Variants in TRIM25 observed in about 807,000 individuals in gnomAD.
TRIM25 encodes the protein tripartite motif containing 25, also known as E3 ubiquitin/ISG15 ligase TRIM25.
Under a neutral mutation model 65.2 loss-of-function variants are expected in TRIM25, and 45 were observed. That is an observed-to-expected ratio of 0.69 (90% CI 0.54 to 0.89). TRIM25 has a LOEUF of 0.89. TRIM25 is among the 40% of genes least tolerant of loss of function. TRIM25 has a pLI of 0.00. For missense variants in TRIM25, 714 were observed against 803.7 expected, an observed-to-expected ratio of 0.89 and a Z score of 1.35; for synonymous variants, 321 against 340.4, an observed-to-expected ratio of 0.94 and a Z score of 0.63.
At position 56,892,137 on chromosome 17, in the gene TRIM25, G is replaced by C; in HGVS notation, c.1456C>G (p.Gln486Glu). 1 of 1,614,166 alleles carries C rather than the reference G, an allele frequency of 6.2e-7. No homozygotes were observed. The highest frequency in any genetic ancestry group is 8.5e-7 in the Non-Finnish European group (1 of 1,180,038). ...CTCTGGGGATGCGGCCGGTAGTTCT[G>C]AGGCATCTCAGCCACAGAAGCTACT... ...YTVASVAEMP[Q>E]NYRPHPQRFT... The change falls in exon 9 of 9, where the codon CAG becomes GAG. Residue 486 changes from glutamine (Q) to glutamate (E), a missense_variant. By Grantham distance (29) the Gln-to-Glu change is conservative. Around this residue, in one of 3 missense-constraint regions of TRIM25, gnomAD observed 413 missense variants for 498.2 expected, o/e 0.83. Transcript: ENST00000316881.
Position 56,904,243 on chromosome 17 carries a change from G to T in TRIM25, c.927+12C>A. On this transcript the variant is annotated intron_variant, in intron 3 of 8. Transcript: ENST00000316881. The stretch of plus-strand genomic sequence containing the variant: ...AAAAAAAAACATTCAACAATGCCTT[G>T]TGGCGACCTACCTCCAGAAACTCGA... 6 of 1,490,574 alleles carry T rather than the reference G, an allele frequency of 4.0e-6. No homozygotes were observed. Among genetic ancestry groups the T allele is most frequent in the South Asian group, 1.1e-5 (1 of 87,012 alleles). 92.3% of individuals were successfully genotyped at this position (1,490,574 alleles called of 1,614,324 possible).
intron 5 of TRIM25, among the ~76,000 whole-genome samples, chr17:56,897,202 A>G (rs1254460560): frequency 6.6e-6 from 1 of 152,224 alleles, no homozygotes; most frequent in African/African-American, 2.4e-5. Flanking sequence ...TCTGTGATGT[A>G]CAAGCCCTCC....
At position 56,895,552 on chromosome 17, in the gene TRIM25, C is replaced by T. The variant is rs1440694195; in HGVS notation, c.1233G>A (p.Gln411=). The T allele has an allele frequency of 6.3e-7, 1 of 1,596,474 alleles. No homozygotes were observed. Among genetic ancestry groups the T allele is most frequent in the Non-Finnish European group, 8.6e-7 (1 of 1,169,478 alleles). ...SKLPTFGAPE[Q]LVDLKQAGLE... ...AGCCAGCTTGTTTTAAATCCACTAA[C>T]TGTTCCGGGGCTCCAAACGTGGGAA... is the stretch of plus-strand genomic sequence containing the variant. The change falls in exon 7 of 9, where the codon CAG becomes CAA. Residue 411 remains glutamine, a synonymous_variant. Coordinates refer to ENST00000316881, the MANE Select transcript of TRIM25 (RefSeq NM_005082.5).
At chr17:56,904,166 C>T in intron 3 of TRIM25, 89 bp downstream of exon 3, 3 of 1,130,192 alleles carry the variant, frequency 2.7e-6, no homozygotes, top group Non-Finnish European at 3.9e-6. Context: ...CTCTTCCAGT[C>T]TCCCGCTCCT....
At position 56,888,901 on chromosome 17, in the gene TRIM25, C is replaced by T. The variant is rs544261900; in HGVS notation, c.*2799G>A. 3 of 152,176 alleles carry T rather than the reference C, an allele frequency of 2.0e-5. No individual in the cohort carries two copies. Among genetic ancestry groups the T allele is most frequent in the African/African-American group, 7.2e-5 (3 of 41,432 alleles). 9.4% of individuals were successfully genotyped at this position (152,176 alleles called of 1,614,324 possible). On this transcript the variant is annotated 3_prime_UTR_variant, in exon 9 of 9. Transcript: ENST00000316881. ...TGACGAACAAATAGCATTTTGTACC[C>T]GCACTACAATGCAGGAGAACGCCAA...
In TRIM25 at chr17:56,890,815, T is replaced by A. The variant is rs1239590891; in HGVS notation, c.*885A>T. 2.2e-6 allele frequency: 1 copy of A among 456,148 alleles called. No individual in the cohort carries two copies. Among genetic ancestry groups the A allele is most frequent in the Non-Finnish European group, 4.4e-6 (1 of 226,900 alleles). The allele number at this position is 456,148 out of a possible 1,614,324, so 28.3% of individuals were successfully genotyped here. ...AGGCTTCTGTTGATCCAGGGCAGCA[T>A]CCCCCTCGCCTGGCAGAGTTCCTTG... On this transcript the variant is annotated 3_prime_UTR_variant, in exon 9 of 9. Coordinates refer to ENST00000316881, the MANE Select transcript of TRIM25 (RefSeq NM_005082.5).
chr17:56,908,852 G>A (rs1909572178), intron 1 of TRIM25: 2 of 378,710 alleles, frequency 5.3e-6, no homozygotes, highest in Non-Finnish European at 9.8e-6. Flanking sequence ...ACACAAAATA[G>A]ATACAACTGT....
chr17:56,899,569 C>T (rs1350359207), intron 4 of TRIM25, among the ~76,000 whole-genome samples: 1 of 152,160 alleles, frequency 6.6e-6, no homozygotes, highest in African/African-American at 2.4e-5. Flanking sequence ...TCCTTTCCCA[C>T]TATTCTTTCT....
chr17:56,913,830 G>A lies in TRIM25; in HGVS notation c.159C>T (p.Cys53=). 6.4e-7 allele frequency: 1 copy of A among 1,561,304 alleles called. No homozygotes were observed. Among genetic ancestry groups the A allele is most frequent in the Non-Finnish European group, 8.7e-7 (1 of 1,153,108 alleles). Residue 53 remains cysteine, a synonymous_variant, in exon 1 of 9, where the codon TGC becomes TGT. Coordinates refer to ENST00000316881, the MANE Select transcript of TRIM25 (RefSeq NM_005082.5). The surrounding 1 kb of genome is among the most constrained non-coding windows in gnomAD (Gnocchi z 6.1). ...VQGSPYLCPQ[C]RAVYQARPQL... is the part of the protein sequence containing the mutation. ...GCGGTCGCGCCTGGTAGACGGCGCGGCACTGCGGGCACAGGTATGGCGAGC... is the reference window on the plus strand; with the variant it reads ...GCGGTCGCGCCTGGTAGACGGCGCGACACTGCGGGCACAGGTATGGCGAGC...
In TRIM25 at chr17:56,891,123, C is replaced by A. The variant is rs1909160780; in HGVS notation, c.*577G>T. 1 of 361,162 alleles carries A rather than the reference C, an allele frequency of 2.8e-6. No individual in the cohort carries two copies. Among genetic ancestry groups the A allele is most frequent in the Non-Finnish European group, 5.5e-6 (1 of 182,660 alleles). 22.4% of individuals were successfully genotyped at this position (361,162 alleles called of 1,614,324 possible). On this transcript the variant is annotated 3_prime_UTR_variant, in exon 9 of 9. Coordinates refer to ENST00000316881, the MANE Select transcript of TRIM25 (RefSeq NM_005082.5). ...TTTTCCAGTGGAGGAAGAGGGTATGCCTCTTTAGGAAACTGTTCTGGGTAG... is the reference window on the plus strand; with the variant it reads ...TTTTCCAGTGGAGGAAGAGGGTATGACTCTTTAGGAAACTGTTCTGGGTAG...
chr17:56,895,973 A>C (rs1909284864), intron 5 of TRIM25, 21 bp from the exon 6 acceptor site: 1 of 1,610,822 alleles, frequency 6.2e-7, no homozygotes, highest in African/African-American at 1.3e-5. Context: ...AAGTTTTCAG[A>C]TTTAATTTCT....
Position 56,913,908 on chromosome 17 carries a change from C to T in TRIM25, c.81G>A (p.Pro27=). Residue 27 remains proline (P), a synonymous_variant, in exon 1 of 9, where the codon CCG becomes CCA. Transcript: ENST00000316881. The surrounding 1 kb of genome is among the most constrained non-coding windows in gnomAD (Gnocchi z 6.1). ...ACGACCCGCAGAAGTTGTGGCCGCA[C>T]GGAGTGGTGACCGGCTCCTTGAAGG... ...LEPFKEPVTT[P]CGHNFCGSCL... The T allele has an allele frequency of 6.4e-7, 1 of 1,572,526 alleles. No individual in the cohort carries two copies. Among genetic ancestry groups the T allele is most frequent in the Non-Finnish European group, 8.6e-7 (1 of 1,159,454 alleles).
chr17:56,897,298 C>T (rs55796698), intron 5 of TRIM25, among the ~76,000 whole-genome samples: 19,344 of 152,070 alleles, frequency 0.13, 1,429 homozygotes, highest in Admixed American at 0.17. Flanking sequence ...CAAAAAGGGG[C>T]GTTTTTGAAA....
intron 3 of TRIM25, among the ~76,000 whole-genome samples, chr17:56,902,007 G>C (rs117877110): frequency 0.016 from 2,381 of 152,340 alleles, 22 homozygotes; most frequent in Non-Finnish European, 0.023. Context: ...CTCAAGGGAT[G>C]TGGATTGCAG....
At position 56,901,399 on chromosome 17, in the gene TRIM25, TA is replaced by T; in HGVS notation, c.1087+19del. ...TTGCAGGGTTCCACAGGGGGCAGCA[TA>T]GGGGGCTGCTAAGGTCACCTGAACT... On this transcript the variant is annotated intron_variant, in intron 4 of 8. Transcript: ENST00000316881. The T allele has an allele frequency of 6.2e-7, 1 of 1,612,080 alleles. No homozygotes were observed. Among genetic ancestry groups the T allele is most frequent in the Non-Finnish European group, 8.5e-7 (1 of 1,179,166 alleles).
chr17:56,910,305 T>C (rs575136944), intron 1 of TRIM25, among the ~76,000 whole-genome samples: 2 of 152,144 alleles, frequency 1.3e-5, no homozygotes, highest in Non-Finnish European at 2.9e-5. Context: ...GACAGTCACA[T>C]GTAGGGGTTG....
chr17:56,891,576 C>G lies in TRIM25; in HGVS notation c.*124G>C. On this transcript the variant is annotated 3_prime_UTR_variant, in exon 9 of 9. Transcript: ENST00000316881. ...CCCACCTCCCACCCTCCCGCCAGCT[C>G]CCCTCCCATGCTCCCAATCCTTGGG... The G allele has an allele frequency of 1.9e-6, 1 of 532,496 alleles. No individual in the cohort carries two copies. Among genetic ancestry groups the G allele is most frequent in the Non-Finnish European group, 3.1e-6 (1 of 327,298 alleles). The allele number at this position is 532,496 out of a possible 1,614,324, so 33.0% of individuals were successfully genotyped here.
At position 56,901,722 on chromosome 17, in the gene TRIM25, C is replaced by G; in HGVS notation, c.928-144G>C. ...TCTCAAATTACAGGCCAGAGGTCAC[C>G]AGGAGTTTAAATGACACTTGAAGAC... On this transcript the variant is annotated intron_variant, in intron 3 of 8. Coordinates refer to ENST00000316881, the MANE Select transcript of TRIM25 (RefSeq NM_005082.5). 4.7e-6 allele frequency: 5 copies of G among 1,055,460 alleles called. No individual in the cohort carries two copies. The East Asian group carries it at 9.7e-5, about 20-fold the overall frequency. 65.4% of individuals were successfully genotyped at this position (1,055,460 alleles called of 1,614,324 possible). A position where few individuals can be genotyped will look rare whatever the true frequency, so the allele number is the denominator to read the frequency against.
rs763430514 is a variant in TRIM25, at chr17:56,913,427, G to A, written c.562C>T (p.Pro188Ser). 73 of 1,590,688 alleles carry A rather than the reference G, an allele frequency of 4.6e-5. No homozygotes were observed. The highest frequency in any genetic ancestry group is 6.0e-5 in the Non-Finnish European group (70 of 1,165,088). ...ICLVEHKTCS[P>S]ASLSQASADL... ...GCGCTGGCCTGGCTCAGGGACGCGG[G>A]AGAGCAGGTCTTATGCTCCACCAGG... Residue 188 changes from proline (P) to serine (S), a missense_variant, in exon 1 of 9, where the codon CCC becomes TCC. By Grantham distance (74) the Pro-to-Ser change is moderately conservative (BLOSUM62 -1). Around this residue, in one of 3 missense-constraint regions of TRIM25, gnomAD observed 291 missense variants for 281.8 expected, o/e 1.03. Transcript: ENST00000316881. The surrounding 1 kb of genome is among the most constrained non-coding windows in gnomAD (Gnocchi z 6.1).
Sources: gnomAD v4.1 joint callset for allele counts (sites outside exome capture counted in the v4.1 genomes callset) on GRCh38, gnomAD v4.1.1 for gene constraint, gnomAD v4.1.1 regional missense constraint, Gnocchi (gnomAD v3.1) non-coding constraint, MANE v1.5 for transcripts, NCBI Gene and HGNC (gene_info 2026-07-23, HGNC 2026-07-21) for gene names.